The following LIPC variants were observed in gnomAD, a reference collection of about 807,000 sequenced individuals.
The protein encoded by LIPC is hepatic triacylglycerol lipase.
A neutral mutation model predicts 50.7 loss-of-function variants in LIPC; 44 were observed. That is an observed-to-expected ratio of 0.87 (90% CI 0.68 to 1.11). The LOEUF (loss-of-function observed/expected upper bound fraction) is 1.11, where lower values mean the gene tolerates loss of function less well. Among genes scored for constraint, LIPC ranks in the 50% most tolerant of loss-of-function variants. LIPC has a pLI of 0.00. For missense variants in LIPC, 697 were observed against 648.2 expected (o/e 1.08, Z -0.82); for synonymous variants, 271 against 256.4 (o/e 1.06, Z -0.54).
chr15:58,450,580 G>A (rs1299948181), intron 1 of LIPC, among the ~76,000 whole-genome samples: 4 of 152,166 alleles, frequency 2.6e-5, no homozygotes, highest in East Asian at 1.9e-4. Flanking sequence ...TCAGTTAAAG[G>A]TCAATTTCCA....
chr15:58,498,739 G>A (rs1318137323), intron 1 of LIPC: 1 of 152,170 alleles, frequency 6.6e-6, no homozygotes, highest in African/African-American at 2.4e-5. Context: ...TGTGGAAGAA[G>A]CATTAGACTG....
At chr15:58,464,312 C>T (rs535863254) in intron 1 of LIPC, among the ~76,000 whole-genome samples, 28 of 152,174 alleles carry the variant, frequency 1.8e-4, no homozygotes, top group African/African-American at 6.7e-4. Context: ...TGGGTAGTGC[C>T]GCCTGTGTGA....
intron 1 of LIPC, among the ~76,000 whole-genome samples, chr15:58,482,288 T>C (rs1891214067): frequency 6.6e-6 from 1 of 152,120 alleles, no homozygotes; most frequent in Non-Finnish European, 1.5e-5. Flanking sequence ...TTGCAGAGAT[T>C]TTCTTTTAAA....
intron 1 of LIPC, among the ~76,000 whole-genome samples, chr15:58,449,110 G>C (rs1595857054): frequency 6.6e-6 from 1 of 152,170 alleles, no homozygotes; most frequent in East Asian, 1.9e-4. Flanking sequence ...GGAGCGATTA[G>C]TCATGCTGGG....
Position 58,563,628 on chromosome 15 carries a change from C to G in LIPC, c.1293C>G (p.Asp431Glu). Residue 431 changes from aspartate (D) to glutamate (E), a missense_variant, in exon 8 of 9, where the codon GAC becomes GAG. Physicochemically the swap from Asp to Glu is conservative, Grantham distance 45. Transcript: ENST00000299022. ...GTGCAGTGTGGGCCAATGTCTGGGACACGGTCCAGACCATCATCCCATGGA... is the reference window on the plus strand; with the variant it reads ...GTGCAGTGTGGGCCAATGTCTGGGAGACGGTCCAGACCATCATCCCATGGA... The part of the protein sequence containing the change: ...ENSAVWANVW[D>E]TVQTIIPWST... 1 of 1,614,212 alleles carries G rather than the reference C, an allele frequency of 6.2e-7. No homozygotes were observed. Among genetic ancestry groups the G allele is most frequent in the Non-Finnish European group, 8.5e-7 (1 of 1,180,030 alleles).
In LIPC at chr15:58,445,938, T is replaced by A. The variant is rs57613169; in HGVS notation, c.88+13818T>A. ...CCCGATTCATATGCTACTCCCAGTG[T>A]TTTTCTCTACTTTTTATTACAAAAG... On this transcript the variant is annotated intron_variant, in intron 1 of 8. Coordinates refer to ENST00000299022, the MANE Select transcript of LIPC (RefSeq NM_000236.3). Among the ~76,000 whole-genome samples the A allele has an allele frequency of 4.6e-5, 7 of 152,360 alleles. No individual in the cohort carries two copies. In the East Asian group the frequency reaches 1.3e-3, roughly 29 times the overall value.
At chr15:58,539,694 C>T (rs1235456776) in intron 2 of LIPC, among the ~76,000 whole-genome samples, 1 of 152,138 alleles carries the variant, frequency 6.6e-6, no homozygotes, top group African/African-American at 2.4e-5. Context: ...CCTGCCTCCC[C>T]TCACCTCTCC....
At chr15:58,561,129 C>A (rs1480769631) in intron 7 of LIPC, 148 bp downstream of exon 7, 5 of 686,576 alleles carry the variant, frequency 7.3e-6, no homozygotes, top group Non-Finnish European at 1.3e-5. Context: ...ACATGTCAAT[C>A]AATTTAGTTT....
At chr15:58,435,163 G>A (rs1280974916) in intron 1 of LIPC, 1 of 152,162 alleles carries the variant, frequency 6.6e-6, no homozygotes, top group African/African-American at 2.4e-5. Context: ...AAAATAACTT[G>A]TATTTTCCAA....
intron 1 of LIPC, among the ~76,000 whole-genome samples, chr15:58,467,519 C>T (rs1051066850): frequency 1.3e-5 from 2 of 152,122 alleles, no homozygotes; most frequent in African/African-American, 4.8e-5. Context: ...GAGTCAGCTG[C>T]AGAGTTTATG....
At chr15:58,518,940 TAA>T (rs879392345) in intron 1 of LIPC, among the ~76,000 whole-genome samples, 3 of 140,146 alleles carry the variant, frequency 2.1e-5, no homozygotes, top group African/African-American at 2.6e-5. Flanking sequence ...ATTCGTCACC[TAA>T]AAAAAAAAAG....
rs562882260 is a variant in LIPC, at chr15:58,513,497, G to T, written c.89-24836G>T. Among the ~76,000 whole-genome samples, 7 of 152,232 alleles carry T rather than the reference G, an allele frequency of 4.6e-5. No individual in the cohort carries two copies. The East Asian group carries it at 1.2e-3, about 25-fold the overall frequency. ...CAGAAAGCAGAGCTCATGCAGAGCC[G>T]GCCCTTTCTGTCCTAACTCCTGTTA... On this transcript the variant is annotated intron_variant, in intron 1 of 8. Transcript: ENST00000299022.
In LIPC at chr15:58,563,650, T is replaced by C. The variant is rs373806357; in HGVS notation, c.1315T>C (p.Trp439Arg). 2 of 1,614,030 alleles carry C rather than the reference T, an allele frequency of 1.2e-6. No individual in the cohort carries two copies. The highest frequency in any genetic ancestry group is 2.2e-5 in the East Asian group (1 of 44,900). The change falls in exon 8 of 9, where the codon TGG becomes CGG. Residue 439 changes from tryptophan (W) to arginine (R), a missense_variant. Transcript: ENST00000299022. ...GGACACGGTCCAGACCATCATCCCA[T>C]GGAGCACAGGGCCGCGCCACTCAGG... ...VWDTVQTIIPWSTGPRHSGLV... is the reference protein window; with the variant it reads ...VWDTVQTIIPRSTGPRHSGLV...
At chr15:58,444,128 G>T (rs2140651875) in intron 1 of LIPC, among the ~76,000 whole-genome samples, 1 of 152,314 alleles carries the variant, frequency 6.6e-6, no homozygotes, top group South Asian at 2.1e-4. Context: ...CTGCGACACA[G>T]GTCTAGGAAT....
intron 1 of LIPC, among the ~76,000 whole-genome samples, chr15:58,460,142 G>A (rs371157568): frequency 1.3e-5 from 2 of 152,206 alleles, no homozygotes; most frequent in African/African-American, 4.8e-5. Context: ...TGTTCAAGCC[G>A]ATGAACATCC....
At chr15:58,433,101 C>T (rs1893178898) in intron 1 of LIPC, among the ~76,000 whole-genome samples, 1 of 152,140 alleles carries the variant, frequency 6.6e-6, no homozygotes, top group Non-Finnish European at 1.5e-5. Flanking sequence ...ATTTTCTGTG[C>T]CAAGCACTAT....
intron 3 of LIPC, among the ~76,000 whole-genome samples, chr15:58,542,265 A>G (rs942816483): frequency 6.6e-6 from 1 of 152,114 alleles, no homozygotes; most frequent in Non-Finnish European, 1.5e-5. Context: ...TCAAGCCCCC[A>G]CACAAATGAG....
intron 1 of LIPC, among the ~76,000 whole-genome samples, chr15:58,533,956 A>C (rs566394873): frequency 1.9e-4 from 29 of 152,326 alleles, no homozygotes; most frequent in African/African-American, 7.0e-4. Flanking sequence ...GGGAAAAAAA[A>C]GGCTAAGGAC....
At chr15:58,513,173 T>A (rs75025627) in intron 1 of LIPC, among the ~76,000 whole-genome samples, 3,872 of 152,244 alleles carry the variant, frequency 0.025, 165 homozygotes, top group African/African-American at 0.087. Context: ...AATGGAAGCT[T>A]AACAGATTCA....
Sources: gnomAD v4.1 joint callset for allele counts (sites outside exome capture counted in the v4.1 genomes callset) on GRCh38, gnomAD v4.1.1 for gene constraint, MANE v1.5 for transcripts, NCBI Gene and HGNC (gene_info 2026-07-23, HGNC 2026-07-21) for gene names.